CEP350: variants seen among roughly 807,000 people sequenced by gnomAD.
CEP350 encodes the protein centrosome-associated protein 350.
CEP350 carries 126 observed loss-of-function variants against 331.8 expected under a neutral mutation model. The observed-to-expected ratio is 0.38, with a 90% CI of 0.33 to 0.44. The LOEUF (loss-of-function observed/expected upper bound fraction) is 0.44, where lower values mean the gene tolerates loss of function less well. CEP350 is among the 20% of genes least tolerant of loss of function. CEP350 has a pLI of 1.00. For missense variants in CEP350, 3,406 were observed against 3,634.6 expected (o/e 0.94, Z 1.62); for synonymous variants, 1,200 against 1,259.5 (o/e 0.95, Z 1.00).
chr1:180,095,286 A>G (rs754295681), intron 34 of CEP350: 1 of 385,490 alleles, frequency 2.6e-6, no homozygotes, highest in Non-Finnish European at 4.5e-6. Context: ...GGAGAGCCCT[A>G]ATCAATAAAC....
At chr1:180,102,813 A>G (rs1660901430) in intron 37 of CEP350, among the ~76,000 whole-genome samples, 1 of 152,206 alleles carries the variant, frequency 6.6e-6, no homozygotes, top group African/African-American at 2.4e-5. Flanking sequence ...TTTTAAGTTG[A>G]TAGCTCTTTT....
intron 25 of CEP350, among the ~76,000 whole-genome samples, chr1:180,060,808 T>C (rs948049988): frequency 6.6e-6 from 1 of 152,162 alleles, no homozygotes; most frequent in Admixed American, 6.5e-5. Context: ...ATACATATGA[T>C]ATTTATAAAA....
chr1:180,015,302 C>T lies in CEP350; in HGVS notation c.2053-547C>T, dbSNP rs183311182. Among the ~76,000 whole-genome samples the T allele has an allele frequency of 7.2e-4, 110 of 152,046 alleles. No individual in the cohort carries two copies. In the Middle Eastern group the frequency reaches 0.024, roughly 33 times the overall value. On this transcript the variant is annotated intron_variant, in intron 10 of 37. Coordinates refer to ENST00000367607, the MANE Select transcript of CEP350 (RefSeq NM_014810.5). ...AGGCTGGAGTGCAGTGGCGCGATCT[C>T]GGCTCACTGCAGGCTCCGCCCCCCG...
chr1:180,075,261 C>T, intron 28 of CEP350, 40 bp downstream of exon 28: 1 of 1,518,068 alleles, frequency 6.6e-7, no homozygotes, highest in Middle Eastern at 1.9e-4. Flanking sequence ...AAACTAAAGC[C>T]TAACATAATT....
intron 27 of CEP350, among the ~76,000 whole-genome samples, chr1:180,068,880 A>G (rs1452945913): frequency 6.6e-6 from 1 of 152,204 alleles, no homozygotes; most frequent in Non-Finnish European, 1.5e-5. Flanking sequence ...GTATATCTAG[A>G]TCAATTGTTA....
At chr1:180,099,012 T>C (rs763281265) in intron 37 of CEP350, 27 bp downstream of exon 37, 68 of 1,594,942 alleles carry the variant, frequency 4.3e-5, no homozygotes, top group Non-Finnish European at 5.6e-5. Flanking sequence ...AAACTGTTTT[T>C]ATTTTGACCA....
intron 24 of CEP350, 77 bp from the exon 25 acceptor site, chr1:180,054,338 A>T: frequency 8.6e-7 from 1 of 1,162,430 alleles, no homozygotes; most frequent in Non-Finnish European, 1.3e-6. Context: ...ACTTTTTAGT[A>T]GTCAAGAATT....
chr1:180,093,096 G>A lies in CEP350; in HGVS notation c.6991G>A (p.Glu2331Lys). Residue 2331 changes from glutamate to lysine, a missense_variant, in exon 34 of 38, where the codon GAG becomes AAG. Glu to Lys is a moderately conservative substitution (Grantham distance 56). Around this residue, in one of 5 missense-constraint regions of CEP350, gnomAD observed 1,415 missense variants for 1,512.3 expected, o/e 0.94. Transcript: ENST00000367607. ...NLHKSEEMLKERQSDQDMNHS... is the reference protein window; with the variant it reads ...NLHKSEEMLKKRQSDQDMNHS... ...CCATAAAAGTGAGGAAATGTTGAAAGAGAGACAGTCAGATCAAGATATGAA... is the reference window on the plus strand; with the variant it reads ...CCATAAAAGTGAGGAAATGTTGAAAAAGAGACAGTCAGATCAAGATATGAA... The A allele has an allele frequency of 6.2e-7, 1 of 1,603,950 alleles. No individual in the cohort carries two copies. The highest frequency in any genetic ancestry group is 1.3e-5 in the African/African-American group (1 of 74,964).
intron 14 of CEP350, among the ~76,000 whole-genome samples, chr1:180,026,397 C>T (rs187155777): frequency 6.8e-4 from 104 of 152,228 alleles, no homozygotes; most frequent in African/African-American, 9.6e-4. Context: ...CTTTTGCCTC[C>T]GCCTCCCAAA....
intron 1 of CEP350, among the ~76,000 whole-genome samples, chr1:179,965,029 G>A (rs1423593566): frequency 6.6e-6 from 1 of 151,834 alleles, no homozygotes; most frequent in Admixed American, 6.6e-5. Context: ...TTTTGATGTA[G>A]GCATTTAGTG....
intron 7 of CEP350, among the ~76,000 whole-genome samples, chr1:180,005,620 C>T (rs1234251641): frequency 6.6e-6 from 1 of 152,140 alleles, no homozygotes; most frequent in Non-Finnish European, 1.5e-5. Context: ...TAATTTTGCT[C>T]CTTTGTTCAT....
chr1:180,041,411 A>G (rs1430886990), intron 18 of CEP350, among the ~76,000 whole-genome samples, 163 bp downstream of exon 18: 2 of 152,220 alleles, frequency 1.3e-5, no homozygotes, highest in Non-Finnish European at 2.9e-5. Flanking sequence ...TTTTTGTTAC[A>G]ACCTTGTGAA....
At chr1:180,061,854 T>C (rs9425481) in intron 25 of CEP350, among the ~76,000 whole-genome samples, 86,495 of 152,036 alleles carry the variant, frequency 0.57, 26,435 homozygotes, top group East Asian at 0.72. Context: ...CCTAAAAGTT[T>C]AGCAATAGAA....
At chr1:180,075,969 AAT>A (rs1055635849) in intron 28 of CEP350, among the ~76,000 whole-genome samples, 1 of 152,170 alleles carries the variant, frequency 6.6e-6, no homozygotes, top group Non-Finnish European at 1.5e-5. Flanking sequence ...GAAAAAAAAA[AAT>A]TGTAATAACT....
At chr1:180,023,076 C>T (rs1655437066) in intron 13 of CEP350, among the ~76,000 whole-genome samples, 1 of 152,118 alleles carries the variant, frequency 6.6e-6, no homozygotes, top group Non-Finnish European at 1.5e-5. Context: ...CTTAGCCTTC[C>T]TATGCTTCTG....
rs200421726 is a variant in CEP350, at chr1:180,048,726, A to G, written c.4792+21A>G. ...AAAAGGTAACTTTCTTTGCAAATAA[A>G]TGTGTAATCATTTGTTCAGAAACCA... On this transcript the variant is annotated intron_variant, in intron 22 of 37. Transcript: ENST00000367607. 243 of 1,575,516 alleles carry G rather than the reference A, an allele frequency of 1.5e-4. No individual in the cohort carries two copies. In the African/African-American group the frequency reaches 2.5e-3, roughly 16 times the overall value.
chr1:180,018,018 A>G (rs1655078666), intron 11 of CEP350, among the ~76,000 whole-genome samples: 1 of 151,896 alleles, frequency 6.6e-6, no homozygotes, highest in Non-Finnish European at 1.5e-5. Flanking sequence ...ATTTGTTTTT[A>G]ATTTGGAGAC....
Position 179,955,014 on chromosome 1 carries a change from C to T in CEP350, c.-142C>T, listed in dbSNP as rs1201089231. The T allele has an allele frequency of 2.7e-5, 36 of 1,313,562 alleles. No individual in the cohort carries two copies. Among genetic ancestry groups the T allele is most frequent in the Non-Finnish European group, 3.3e-5 (34 of 1,027,466 alleles). The allele number at this position is 1,313,562 out of a possible 1,614,324, so 81.4% of individuals were successfully genotyped here. On this transcript the variant is annotated 5_prime_UTR_variant, in exon 1 of 38. Transcript: ENST00000367607. ...CCCGGAGCCGGTGCGAGGAGGGCAC[C>T]CGGTGCGTCCCCGGAGCGGGGAGGC... is the stretch of plus-strand genomic sequence containing the variant.
At chr1:179,997,343 C>G (rs1653523948) in intron 6 of CEP350, among the ~76,000 whole-genome samples, 168 bp downstream of exon 6, 1 of 151,960 alleles carries the variant, frequency 6.6e-6, no homozygotes, top group Non-Finnish European at 1.5e-5. Context: ...AGATCAAGAC[C>G]ATCCTGGCTA....
Sources: gnomAD v4.1 joint callset for allele counts (sites outside exome capture counted in the v4.1 genomes callset) on GRCh38, gnomAD v4.1.1 for gene constraint, gnomAD v4.1.1 regional missense constraint, MANE v1.5 for transcripts, NCBI Gene and HGNC (gene_info 2026-07-23, HGNC 2026-07-21) for gene names.